The following LRMDA variants were observed in gnomAD, a reference collection of about 807,000 sequenced individuals.
LRMDA encodes the protein leucine-rich melanocyte differentiation-associated protein.
A neutral mutation model predicts 29.8 loss-of-function variants in LRMDA; 18 were observed. That is an observed-to-expected ratio of 0.60 (90% CI 0.42 to 0.90). LRMDA has a LOEUF of 0.90. LRMDA is among the 40% of genes least tolerant of loss of function. LRMDA has a pLI of 0.00. For synonymous variants in LRMDA, 125 were observed against 109.4 expected (o/e 1.14, Z -0.89); for missense variants, 273 against 273.9 (o/e 1.00, Z 0.02).
chr10:76,045,348 CTCT>C (rs1443339333), intron 3 of LRMDA, among the ~76,000 whole-genome samples: 80 of 143,162 alleles, frequency 5.6e-4, no homozygotes, highest in African/African-American at 2.1e-3. Flanking sequence ...TAGTTTCCTC[CTCT>C]TGCTAGTTTC....
intron 6 of LRMDA, among the ~76,000 whole-genome samples, chr10:76,327,958 A>G (rs1235318693): frequency 6.6e-6 from 1 of 152,230 alleles, no homozygotes; most frequent in African/African-American, 2.4e-5. Context: ...AGGGAATAGG[A>G]TGAATTGAAG....
chr10:76,388,559 A>G (rs544612452), intron 6 of LRMDA, among the ~76,000 whole-genome samples: 1 of 152,216 alleles, frequency 6.6e-6, no homozygotes, highest in Non-Finnish European at 1.5e-5. Flanking sequence ...TTGGATTTAC[A>G]TGAAAGTGCA....
chr10:76,100,835 C>A (rs1849383850), intron 5 of LRMDA, among the ~76,000 whole-genome samples: 2 of 152,168 alleles, frequency 1.3e-5, no homozygotes, highest in African/African-American at 4.8e-5. Context: ...TTTCCCTGTA[C>A]CCTAGTCCTG....
intron 6 of LRMDA, among the ~76,000 whole-genome samples, chr10:76,381,261 G>A (rs926506898): frequency 6.6e-6 from 1 of 151,730 alleles, no homozygotes; most frequent in Non-Finnish European, 1.5e-5. Context: ...CAAAACATTT[G>A]TACGTCATTT....
intron 6 of LRMDA, among the ~76,000 whole-genome samples, chr10:76,431,124 A>G (rs959919272): frequency 1.3e-5 from 2 of 152,204 alleles, no homozygotes; most frequent in Admixed American, 6.5e-5. Flanking sequence ...GGGAGGAAGA[A>G]GCAGATTAAC....
Position 76,324,461 on chromosome 10 carries a change from T to TCC in LRMDA, c.578_579dup (p.Arg194ProfsTer46), listed in dbSNP as rs774713218. 2 of 1,614,086 alleles carry TCC rather than the reference T, an allele frequency of 1.2e-6. No homozygotes were observed. The highest frequency in any genetic ancestry group is 1.7e-6 in the Non-Finnish European group (2 of 1,180,018). On this transcript the variant is annotated frameshift_variant, in exon 6 of 7. Coordinates refer to ENST00000611255, the MANE Select transcript of LRMDA (RefSeq NM_001305581.2). LOFTEE classifies it high-confidence loss of function. ...CCACTACACGCCCTTGCCTTCTGCT[T>TCC]CCAGGGAACTCACCAGTCACCAAGG...
At chr10:75,613,656 T>TA (rs1841062656) in intron 2 of LRMDA, among the ~76,000 whole-genome samples, 1 of 152,184 alleles carries the variant, frequency 6.6e-6, no homozygotes, top group Admixed American at 6.5e-5. Flanking sequence ...CAAGATTTCT[T>TA]ATGCAAAATG....
intron 5 of LRMDA, among the ~76,000 whole-genome samples, chr10:76,119,621 G>A (rs557221817): frequency 6.6e-6 from 1 of 152,102 alleles, no homozygotes; most frequent in Non-Finnish European, 1.5e-5. Flanking sequence ...GTACATTCAT[G>A]TTCCTCCTTC....
intron 5 of LRMDA, among the ~76,000 whole-genome samples, chr10:76,147,522 G>A (rs1367799471): frequency 6.6e-6 from 1 of 152,090 alleles, no homozygotes; most frequent in Admixed American, 6.5e-5. Context: ...TCGTGCCTTG[G>A]TTTTCAGCTC....
At chr10:75,975,485 C>T (rs750810349) in intron 2 of LRMDA, among the ~76,000 whole-genome samples, 14 of 152,178 alleles carry the variant, frequency 9.2e-5, no homozygotes, top group Non-Finnish European at 1.8e-4. Flanking sequence ...GTGGACCATT[C>T]TGGGCTTTCC....
chr10:76,272,108 T>C (rs1840075439), intron 5 of LRMDA, among the ~76,000 whole-genome samples: 1 of 152,214 alleles, frequency 6.6e-6, no homozygotes, highest in Admixed American at 6.5e-5. Flanking sequence ...GGATAGCATA[T>C]GTTATTCCCA....
chr10:76,428,767 T>C (rs1169519980), intron 6 of LRMDA, among the ~76,000 whole-genome samples: 1 of 152,106 alleles, frequency 6.6e-6, no homozygotes, highest in Non-Finnish European at 1.5e-5. Flanking sequence ...CTCAAATAAC[T>C]GTATATCTGA....
intron 2 of LRMDA, among the ~76,000 whole-genome samples, chr10:75,792,704 C>G (rs965315104): frequency 6.6e-6 from 1 of 152,204 alleles, no homozygotes; most frequent in African/African-American, 2.4e-5. Flanking sequence ...TGCTCTGAAG[C>G]TTATCACTTA....
intron 2 of LRMDA, among the ~76,000 whole-genome samples, chr10:75,552,097 C>CT (rs1840157789): frequency 6.6e-6 from 1 of 152,024 alleles, no homozygotes. Context: ...AACAATCTGT[C>CT]TTTTATTATC....
chr10:75,758,905 C>CA (rs1191091027), intron 2 of LRMDA, among the ~76,000 whole-genome samples: 1 of 151,250 alleles, frequency 6.6e-6, no homozygotes, highest in East Asian at 1.9e-4. Flanking sequence ...TAAGATTAAA[C>CA]AAATTGCCAG....
intron 2 of LRMDA, among the ~76,000 whole-genome samples, chr10:75,716,851 T>C (rs901902603): frequency 2.6e-5 from 4 of 152,186 alleles, no homozygotes; most frequent in Admixed American, 2.0e-4. Context: ...TTGACCTTGG[T>C]GGAACAGGCT....
intron 6 of LRMDA, among the ~76,000 whole-genome samples, chr10:76,520,453 G>A (rs1391581525): frequency 6.6e-6 from 1 of 151,920 alleles, no homozygotes; most frequent in African/African-American, 2.4e-5. Context: ...CTTTTTAAAT[G>A]TATTAACTAA....
chr10:76,215,261 T>C (rs1423023160), intron 5 of LRMDA, among the ~76,000 whole-genome samples: 1 of 152,180 alleles, frequency 6.6e-6, no homozygotes, highest in Non-Finnish European at 1.5e-5. Context: ...TGTGCAGGTT[T>C]GACTCTTCTT....
intron 2 of LRMDA, among the ~76,000 whole-genome samples, chr10:75,495,216 TC>T (rs1165683815): frequency 6.6e-6 from 1 of 152,072 alleles, no homozygotes; most frequent in Non-Finnish European, 1.5e-5. Flanking sequence ...ATCTATTGTA[TC>T]CTGTCTCTCT....
Sources: allele counts gnomAD v4.1 joint callset (sites outside exome capture counted in the v4.1 genomes callset), GRCh38; gene constraint gnomAD v4.1.1; transcripts MANE v1.5; gene names NCBI Gene and HGNC (gene_info 2026-07-23, HGNC 2026-07-21).